Variants in LUZP1 observed in about 807,000 individuals in gnomAD.
LUZP1 encodes the protein filamin mechanobinding actin cross-linking protein.
A neutral mutation model predicts 71.3 loss-of-function variants in LUZP1; 25 were observed. The observed-to-expected ratio is 0.35, with a 90% CI of 0.26 to 0.49. The LOEUF (loss-of-function observed/expected upper bound fraction) is 0.49, where lower values mean the gene tolerates loss of function less well. Ranked by LOEUF, LUZP1 falls within the 20% of genes least tolerant of loss-of-function variation. LUZP1 has a pLI of 0.99. For missense variants in LUZP1, 1,142 were observed against 1,300.8 expected (o/e 0.88, Z 1.88); for synonymous variants, 481 against 506.4 (o/e 0.95, Z 0.67).
chr1:23,092,241 A>G lies in LUZP1; in HGVS notation c.2021T>C (p.Val674Ala), dbSNP rs765025015. Residue 674 changes from valine (V) to alanine (A), a missense_variant, in exon 4 of 5, where the codon GTA becomes GCA. By Grantham distance (64) the Val-to-Ala change is moderately conservative (BLOSUM62 0). Coordinates refer to ENST00000302291, the Ensembl canonical transcript of LUZP1. ...TGGCTCTGGAGTGATGGTTGTATTT[A>G]CCAACTTGGCAGTAACAAGAGATGC... is the stretch of plus-strand genomic sequence containing the variant. 8 of 1,613,876 alleles carry G rather than the reference A, an allele frequency of 5.0e-6. No individual in the cohort carries two copies. The East Asian group carries it at 1.6e-4, about 31-fold the overall frequency.
exon 5 of LUZP1, chr1:23,084,692 ATT>A (rs1397399988): frequency 6.6e-6 from 1 of 150,894 alleles, no homozygotes; most frequent in East Asian, 2.0e-4. Flanking sequence ...CATTATATAT[ATT>A]GGTGATCTGA....
At chr1:23,085,314 A>G (rs1196060987) in exon 5 of LUZP1, 3 of 152,592 alleles carry the variant, frequency 2.0e-5, no homozygotes, top group Non-Finnish European at 4.4e-5. Flanking sequence ...AATACAAAAA[A>G]ATAGACTTTA....
At chr1:23,121,843 C>G (rs1557658114) in intron 2 of LUZP1, among the ~76,000 whole-genome samples, 2 of 152,150 alleles carry the variant, frequency 1.3e-5, no homozygotes, top group East Asian at 1.9e-4. Context: ...GAAACCCCCC[C>G]TCTACTAAAA....
chr1:23,115,747 G>A (rs1187748764), intron 2 of LUZP1, among the ~76,000 whole-genome samples: 1 of 152,006 alleles, frequency 6.6e-6, no homozygotes, highest in Non-Finnish European at 1.5e-5. Context: ...CACCATGTTG[G>A]CCAGGCTGGT....
intron 1 of LUZP1, among the ~76,000 whole-genome samples, chr1:23,171,235 G>C (rs1644551372): frequency 6.6e-6 from 1 of 151,930 alleles, no homozygotes; most frequent in African/African-American, 2.4e-5. Context: ...TCATATGGAA[G>C]ACTTTAGGGT....
chr1:23,149,996 A>G (rs1268276685), intron 2 of LUZP1, among the ~76,000 whole-genome samples: 1 of 151,600 alleles, frequency 6.6e-6, no homozygotes, highest in Non-Finnish European at 1.5e-5. Flanking sequence ...TTTAGAAGTA[A>G]AAGAAGAAAA....
intron 3 of LUZP1, among the ~76,000 whole-genome samples, chr1:23,107,442 G>A (rs988527875): frequency 1.3e-5 from 2 of 152,136 alleles, no homozygotes; most frequent in East Asian, 3.9e-4. Flanking sequence ...AAAGCGTGTA[G>A]TAAGTGGCCA....
intron 2 of LUZP1, among the ~76,000 whole-genome samples, chr1:23,153,363 TAAAAGA>T (rs1283980830): frequency 6.6e-6 from 1 of 152,164 alleles, no homozygotes; most frequent in Non-Finnish European, 1.5e-5. Flanking sequence ...ATTTAAAAAG[TAAAAGA>T]AAAACAAAAC....
intron 2 of LUZP1, among the ~76,000 whole-genome samples, chr1:23,133,001 AG>A (rs1392643783): frequency 6.6e-6 from 1 of 152,242 alleles, no homozygotes; most frequent in Non-Finnish European, 1.5e-5. Context: ...TACTGACATA[AG>A]AAGTAAGGAA....
intron 2 of LUZP1, among the ~76,000 whole-genome samples, chr1:23,131,110 T>C (rs368808335): frequency 6.8e-6 from 1 of 147,364 alleles, no homozygotes; most frequent in African/African-American, 2.5e-5. Flanking sequence ...TCCCAGCTAC[T>C]TGGGAGGCTG....
rs1317544030 is a variant in LUZP1 at position 23,145,053 on chromosome 1, G to A, written c.-226+23713C>T. ...TGCGACCACAGGCACATGTCACCAC[G>A]CCCAGCTAATTTTTTGTATTTTGTG... On this transcript the variant is annotated intron_variant, in intron 2 of 4. Coordinates refer to ENST00000302291, the Ensembl canonical transcript of LUZP1. Among the ~76,000 whole-genome samples the A allele has an allele frequency of 2.6e-5, 4 of 151,922 alleles. No individual in the cohort carries two copies. In the South Asian group the frequency reaches 6.3e-4, roughly 24 times the overall value.
intron 2 of LUZP1, among the ~76,000 whole-genome samples, chr1:23,144,669 C>T (rs1193641522): frequency 6.6e-6 from 1 of 152,126 alleles, no homozygotes; most frequent in African/African-American, 2.4e-5. Context: ...ACATGCTCCC[C>T]ACCTCCCATC....
At chr1:23,125,831 TTGCCTGCCTGCC>T (rs546599548) in intron 2 of LUZP1, among the ~76,000 whole-genome samples, 16 of 152,052 alleles carry the variant, frequency 1.1e-4, no homozygotes, top group African/African-American at 2.9e-4. Context: ...AAGCAAGTAC[TTGCCTGCCTGCC>T]TGCCTGCCTG....
intron 1 of LUZP1, among the ~76,000 whole-genome samples, chr1:23,175,009 A>G (rs2148227743): frequency 6.6e-6 from 1 of 152,296 alleles, no homozygotes; most frequent in African/African-American, 2.4e-5. Context: ...CATGCTGGGT[A>G]CTTTACATAT....
chr1:23,091,484 A>G (rs760302782), exon 4 of LUZP1: 3 of 1,613,862 alleles, frequency 1.9e-6, no homozygotes, highest in African/African-American at 2.7e-5. Context: ...AGTCTCGCCT[A>G]CTCTTCCAGG....
exon 5 of LUZP1, chr1:23,086,091 T>TCC (rs1643760830): frequency 6.6e-6 from 1 of 152,180 alleles, no homozygotes; most frequent in African/African-American, 2.4e-5. Flanking sequence ...CTACCAGGTC[T>TCC]CCCCTCTACT....
rs1215139251 is a variant in LUZP1 at position 23,117,507 on chromosome 1, TGGGGGGGGG to T, written c.-225-8389_-225-8381del. Among the ~76,000 whole-genome samples the T allele has an allele frequency of 1.7e-4, 4 of 23,088 alleles. 1 individual carries two copies. Among genetic ancestry groups the T allele is most frequent in the African/African-American group, 9.0e-4 (4 of 4,442 alleles). 15.1% of individuals were successfully genotyped at this position (23,088 alleles called of 152,430 possible). ...CCCCCCCCCCACAATCAGGAAGCCCTGGGGGGGGGGGCGGGGGGGGGGAACACCTTGAGA... is the reference window on the plus strand; with the variant it reads ...CCCCCCCCCCACAATCAGGAAGCCCTGGCGGGGGGGGGGAACACCTTGAGA... On this transcript the variant is annotated intron_variant, in intron 2 of 4. Transcript: ENST00000302291.
In LUZP1 at chr1:23,144,101, T is replaced by C. The variant is rs146515411; in HGVS notation, c.-226+24665A>G. ...TTGCTGAAGACAGTGCTTTTACGTA[T>C]TAAATATAAGGGAAGGCTACAGCCA... On this transcript the variant is annotated intron_variant, in intron 2 of 4. Coordinates refer to ENST00000302291, the Ensembl canonical transcript of LUZP1. Among the ~76,000 whole-genome samples, 299 of 152,296 alleles carry C rather than the reference T, an allele frequency of 2.0e-3. 4 individuals carry two copies. Among genetic ancestry groups the C allele is most frequent in the African/African-American group, 6.6e-3 (274 of 41,566 alleles).
chr1:23,149,225 C>T (rs1226017298), intron 2 of LUZP1, among the ~76,000 whole-genome samples: 1 of 151,624 alleles, frequency 6.6e-6, no homozygotes, highest in East Asian at 1.9e-4. Flanking sequence ...ACACACGAGC[C>T]ACAGCAGGAC....
Sources: gnomAD v4.1 joint callset for allele counts (sites outside exome capture counted in the v4.1 genomes callset) on GRCh38, gnomAD v4.1.1 for gene constraint, MANE v1.5 for transcripts, NCBI Gene and HGNC (gene_info 2026-07-23, HGNC 2026-07-21) for gene names.